The following ALG6 variants were observed in gnomAD, a reference collection of about 807,000 sequenced individuals.
ALG6 encodes dolichyl pyrophosphate Man9GlcNAc2 alpha-1,3-glucosyltransferase.
A neutral mutation model predicts 66.6 loss-of-function variants in ALG6; 46 were observed. The observed-to-expected ratio is 0.69, with a 90% CI of 0.55 to 0.88. The LOEUF (loss-of-function observed/expected upper bound fraction) is 0.88. Among genes scored for constraint, ALG6 ranks in the 40% least tolerant of loss-of-function variants. The probability of loss-of-function intolerance (pLI) is 0.00; values close to 1 mark genes in which losing one functional copy is unlikely to be tolerated. For missense variants in ALG6, 505 were observed against 586.8 expected, an observed-to-expected ratio of 0.86 and a Z score of 1.44; for synonymous variants, 185 against 203.7, an observed-to-expected ratio of 0.91 and a Z score of 0.78.
chr1:63,393,192 T>C (rs959377609), intron 2 of ALG6, among the ~76,000 whole-genome samples: 1 of 152,194 alleles, frequency 6.6e-6, no homozygotes, highest in Non-Finnish European at 1.5e-5. Context: ...TTCTTTAAAA[T>C]AGAAACTTAT....
chr1:63,377,384 A>G (rs1327980602), intron 2 of ALG6, among the ~76,000 whole-genome samples: 1 of 152,110 alleles, frequency 6.6e-6, no homozygotes, highest in Non-Finnish European at 1.5e-5. Context: ...TGCTTGTTAT[A>G]TCTTTTTCTG....
At chr1:63,370,583 A>AT (rs1376042457) in intron 1 of ALG6, among the ~76,000 whole-genome samples, 188 bp from the exon 2 acceptor site, 1 of 152,096 alleles carries the variant, frequency 6.6e-6, no homozygotes, top group Non-Finnish European at 1.5e-5. Context: ...TAATAGGGAG[A>AT]TCCACCTTTT....
At chr1:63,394,803 C>T (rs993945135) in intron 2 of ALG6, among the ~76,000 whole-genome samples, 24 of 151,962 alleles carry the variant, frequency 1.6e-4, no homozygotes, top group Admixed American at 6.6e-4. Flanking sequence ...CTGCTTATTA[C>T]GTGAATGGCC....
In ALG6 at chr1:63,419,414, T is replaced by G; in HGVS notation, c.1032T>G (p.His344Gln). ...TCTTTTTATTTTCTTTCCAAGTACA[T>G]GAAAAATCCATTCTCTTGGTGTCAC... ...LSFFLFSFQV[H>Q]EKSILLVSLP... Residue 344 changes from histidine (H) to glutamine (Q), a missense_variant, in exon 12 of 15, where the codon CAT (histidine) becomes CAG (glutamine). Physicochemically the swap from His to Gln is conservative, Grantham distance 24. Coordinates refer to ENST00000263440, the MANE Select transcript of ALG6 (RefSeq NM_013339.4). 1 of 1,609,568 alleles carries G rather than the reference T, an allele frequency of 6.2e-7. No homozygotes were observed.
At chr1:63,397,275 G>A (rs1051746786) in intron 3 of ALG6, among the ~76,000 whole-genome samples, 3 of 151,694 alleles carry the variant, frequency 2.0e-5, no homozygotes, top group Non-Finnish European at 4.4e-5. Context: ...AACCTCTGCT[G>A]CCTGGGTTCA....
rs534868219 is a variant in ALG6 at position 63,427,167 on chromosome 1, ATTT to A, written c.1059-1549_1059-1547del. On this transcript the variant is annotated intron_variant, in intron 12 of 14. Coordinates refer to ENST00000263440, the MANE Select transcript of ALG6 (RefSeq NM_013339.4). Reference sequence around the variant, plus strand: ...AGGCACGCACCACCGTGTCCAGCTAATTTTTTTTTTTTTTTTTTTGTATTTTTA... The same window carrying A: ...AGGCACGCACCACCGTGTCCAGCTAATTTTTTTTTTTTTTTTGTATTTTTA... Among the ~76,000 whole-genome samples, 751 of 134,262 alleles carry A rather than the reference ATTT, an allele frequency of 5.6e-3. 4 individuals are homozygous for A. The highest frequency in any genetic ancestry group is 0.022 in the Middle Eastern group (6 of 270). 88.1% of individuals were successfully genotyped at this position (134,262 alleles called of 152,430 possible).
intron 5 of ALG6, among the ~76,000 whole-genome samples, chr1:63,405,384 A>G (rs562016733): frequency 3.9e-4 from 60 of 152,266 alleles, no homozygotes; most frequent in Middle Eastern, 3.4e-3. Flanking sequence ...CCAGTCATTA[A>G]AAATTACTTT....
rs546145736 is a variant in ALG6, at chr1:63,415,884, C to T, written c.914C>T (p.Thr305Met). The T allele has an allele frequency of 1.3e-5, 21 of 1,608,014 alleles. No homozygotes were observed. Among genetic ancestry groups the T allele is most frequent in the Admixed American group, 3.3e-5 (2 of 59,922 alleles). Residue 305 changes from threonine to methionine, a missense_variant, in exon 11 of 15, where the codon ACG (threonine) becomes ATG (methionine). By Grantham distance (81) the Thr-to-Met change is moderately conservative. Coordinates refer to ENST00000263440, the MANE Select transcript of ALG6 (RefSeq NM_013339.4). Reference sequence around the variant, plus strand: ...TATTAATTTTTTAGCTTTTGTTCTACGTTTTTGAGCCTGCTTCCTGCATGC... The same window carrying T: ...TATTAATTTTTTAGCTTTTGTTCTATGTTTTTGAGCCTGCTTCCTGCATGC... Reference protein sequence around the residue: ...HIQLIMSFCSTFLSLLPACIK... With the variant: ...HIQLIMSFCSMFLSLLPACIK...
At chr1:63,415,795 TA>T (rs1294687373) in intron 10 of ALG6, 77 bp from the exon 11 acceptor site, 9 of 832,224 alleles carry the variant, frequency 1.1e-5, no homozygotes, top group South Asian at 1.7e-5. Context: ...TCCTTATATT[TA>T]AAAAATATTT....
At chr1:63,423,646 A>G (rs1644599686) in intron 12 of ALG6, among the ~76,000 whole-genome samples, 1 of 152,200 alleles carries the variant, frequency 6.6e-6, no homozygotes, top group African/African-American at 2.4e-5. Flanking sequence ...AATATTTTCA[A>G]GGTTCATCCA....
At chr1:63,422,123 AT>A (rs1189114890) in intron 12 of ALG6, among the ~76,000 whole-genome samples, 10 of 75,066 alleles carry the variant, frequency 1.3e-4, no homozygotes, top group South Asian at 9.9e-4. Flanking sequence ...ATATAAATAT[AT>A]AAATAAATAT....
rs549633009 is a variant in ALG6 at position 63,437,831 on chromosome 1, T to A, written c.*811T>A. ...ACATTATATTATATATATATTATTA[T>A]TGACATGGTTCAGGGTTACCACTGC... On this transcript the variant is annotated 3_prime_UTR_variant, in exon 15 of 15. Transcript: ENST00000263440. 6.6e-6 allele frequency: 1 copy of A among 151,792 alleles called. No homozygotes were observed. The highest frequency in any genetic ancestry group is 2.4e-5 in the African/African-American group (1 of 41,380). The allele number at this position is 151,792 out of a possible 1,614,324, so 9.4% of individuals were successfully genotyped here. A position where few individuals can be genotyped will look rare whatever the true frequency, so the allele number is the denominator to read the frequency against.
chr1:63,400,336 CGTATATATATATGTATATATATATGT>C (rs1644456610), intron 3 of ALG6, among the ~76,000 whole-genome samples: 1 of 19,614 alleles, frequency 5.1e-5, no homozygotes, highest in Non-Finnish European at 9.6e-5. Flanking sequence ...TATATATATA[CGTATATATATATGTATATATATATGT>C]ATATATATGT....
intron 2 of ALG6, among the ~76,000 whole-genome samples, chr1:63,374,489 G>A (rs1482263394): frequency 1.3e-5 from 2 of 152,072 alleles, no homozygotes; most frequent in African/African-American, 4.8e-5. Flanking sequence ...TTAGCCGGGT[G>A]TGGTGGCGGG....
chr1:63,385,582 A>C (rs1034145577), intron 2 of ALG6, among the ~76,000 whole-genome samples: 1 of 152,092 alleles, frequency 6.6e-6, no homozygotes, highest in African/African-American at 2.4e-5. Flanking sequence ...ATTTGTGGCT[A>C]TTGTAAATGA....
At chr1:63,422,150 TATAA>T (rs1397790196) in intron 12 of ALG6, among the ~76,000 whole-genome samples, 51 of 51,028 alleles carry the variant, frequency 1.0e-3, no homozygotes, top group African/African-American at 4.0e-3. Flanking sequence ...TATATATAAA[TATAA>T]ATATATATAT....
At chr1:63,407,819 G>A (rs1208421044) in intron 7 of ALG6, among the ~76,000 whole-genome samples, 1 of 151,868 alleles carries the variant, frequency 6.6e-6, no homozygotes, top group African/African-American at 2.4e-5. Context: ...AACACTAATA[G>A]GTATATCTGT....
intron 2 of ALG6, among the ~76,000 whole-genome samples, chr1:63,389,826 G>T (rs887594954): frequency 2.0e-5 from 3 of 152,186 alleles, no homozygotes; most frequent in African/African-American, 7.2e-5. Flanking sequence ...ACTCTTGCAG[G>T]CTCATAGAGG....
At position 63,437,072 on chromosome 1, in the gene ALG6, G is replaced by A; in HGVS notation, c.*52G>A. ...AAACAAATGTGAAAATGTGAACAGTGCTGAAAGGTTTTGTGAACTTTTTGC... is the reference window on the plus strand; with the variant it reads ...AAACAAATGTGAAAATGTGAACAGTACTGAAAGGTTTTGTGAACTTTTTGC... On this transcript the variant is annotated 3_prime_UTR_variant, in exon 15 of 15. Coordinates refer to ENST00000263440, the MANE Select transcript of ALG6 (RefSeq NM_013339.4). The A allele has an allele frequency of 6.5e-7, 1 of 1,533,366 alleles. No individual in the cohort carries two copies. The highest frequency in any genetic ancestry group is 9.0e-7 in the Non-Finnish European group (1 of 1,116,806). The allele number at this position is 1,533,366 out of a possible 1,614,324, so 95.0% of individuals were successfully genotyped here.
Sources: gnomAD v4.1 joint callset for allele counts (sites outside exome capture counted in the v4.1 genomes callset) on GRCh38, gnomAD v4.1.1 for gene constraint, MANE v1.5 for transcripts, NCBI Gene and HGNC (gene_info 2026-07-23, HGNC 2026-07-21) for gene names.